LRP1B: variants seen among roughly 807,000 people sequenced by gnomAD.
The protein encoded by LRP1B is LDL receptor related protein 1B.
In LRP1B, 217 loss-of-function variants were observed where a neutral mutation model predicts 556.6. The ratio of observed to expected loss-of-function variants is 0.39; its 90% CI spans 0.35 to 0.44. The LOEUF (loss-of-function observed/expected upper bound fraction) is 0.44, where lower values mean the gene tolerates loss of function less well. Ranked by LOEUF, LRP1B falls within the 20% of genes least tolerant of loss-of-function variation. The pLI is 1.00. For missense variants in LRP1B, 5,053 were observed against 5,620.8 expected (o/e 0.90, Z 3.23); for synonymous variants, 2,047 against 1,865.8 (o/e 1.10, Z -2.50).
Position 140,353,035 on chromosome 2 carries a change from A to G in LRP1B, c.11568T>C (p.His3856=). ...NECLVFGTCS[H]QCINVEGSYK... ...ATGATCCTTCCACATTTATACATTGATGGGAACATGTGCCAAACACCAAAC... is the reference window on the plus strand; with the variant it reads ...ATGATCCTTCCACATTTATACATTGGTGGGAACATGTGCCAAACACCAAAC... Residue 3856 remains histidine, a synonymous_variant, in exon 76 of 91, where the codon CAT becomes CAC. Transcript: ENST00000389484. 4 of 1,612,946 alleles carry G rather than the reference A, an allele frequency of 2.5e-6. No homozygotes were observed. The highest frequency in any genetic ancestry group is 2.5e-6 in the Non-Finnish European group (3 of 1,179,378).
At chr2:142,095,609 C>T (rs1001258014) in intron 1 of LRP1B, among the ~76,000 whole-genome samples, 2 of 151,590 alleles carry the variant, frequency 1.3e-5, no homozygotes, top group African/African-American at 2.4e-5. Flanking sequence ...TTAATTACTA[C>T]CTCTGGCCTT....
chr2:140,290,607 C>T (rs1683333300), intron 84 of LRP1B, among the ~76,000 whole-genome samples: 1 of 152,042 alleles, frequency 6.6e-6, no homozygotes, highest in South Asian at 2.1e-4. Context: ...AATAATTGAC[C>T]TTCCTATTAA....
At chr2:141,574,088 C>T (rs1307820849) in intron 2 of LRP1B, among the ~76,000 whole-genome samples, 1 of 152,146 alleles carries the variant, frequency 6.6e-6, no homozygotes, top group East Asian at 1.9e-4. Flanking sequence ...CTCCCTAACT[C>T]ATTTTATGAA....
chr2:140,499,743 C>T (rs190398816), intron 55 of LRP1B, among the ~76,000 whole-genome samples: 4 of 143,156 alleles, frequency 2.8e-5, no homozygotes, highest in African/African-American at 7.4e-5. Flanking sequence ...TATTTAGAAA[C>T]GTTTAAAAAA....
intron 2 of LRP1B, among the ~76,000 whole-genome samples, chr2:141,504,655 T>C (rs755055938): frequency 6.6e-6 from 1 of 152,018 alleles, no homozygotes; most frequent in Non-Finnish European, 1.5e-5. Context: ...TCTGTCCAGG[T>C]TGTAATCACC....
At chr2:141,019,617 G>A (rs1200316974) in intron 12 of LRP1B, among the ~76,000 whole-genome samples, 2 of 151,822 alleles carry the variant, frequency 1.3e-5, no homozygotes, top group Non-Finnish European at 2.9e-5. Flanking sequence ...TGATTCTCTG[G>A]TTGAATTGAT....
chr2:140,560,159 A>G (rs1048648019), intron 43 of LRP1B, among the ~76,000 whole-genome samples: 1 of 152,134 alleles, frequency 6.6e-6, no homozygotes, highest in African/African-American at 2.4e-5. Context: ...AAATAAACCC[A>G]AATTGAGGGA....
rs1690378623 is a variant in LRP1B, at chr2:140,525,220, T to C, written c.8026+624A>G. On this transcript the variant is annotated intron_variant, in intron 49 of 90. Coordinates refer to ENST00000389484, the MANE Select transcript of LRP1B (RefSeq NM_018557.3). ...TATATAGAATCTCTACTTCCAGTTATACATAGTTCTTTTTATAATTTTTTT... is the reference window on the plus strand; with the variant it reads ...TATATAGAATCTCTACTTCCAGTTACACATAGTTCTTTTTATAATTTTTTT... Among the ~76,000 whole-genome samples, 3 of 151,848 alleles carry C rather than the reference T, an allele frequency of 2.0e-5. No individual in the cohort carries two copies. In the Admixed American group the frequency reaches 2.0e-4, roughly 10 times the overall value.
intron 2 of LRP1B, among the ~76,000 whole-genome samples, chr2:141,567,552 A>T (rs1009860645): frequency 1.3e-5 from 2 of 152,064 alleles, no homozygotes; most frequent in Non-Finnish European, 1.5e-5. Flanking sequence ...ACCAAGGAAA[A>T]GTATTTGCTG....
In LRP1B at chr2:140,270,361, A is replaced by G. The variant is rs1682401599; in HGVS notation, c.13143-15T>C. On this transcript the variant is annotated splice_polypyrimidine_tract_variant and intron_variant, in intron 85 of 90. Transcript: ENST00000389484. ...CATTAGTGCAGCTGCAACAACAAAG[A>G]AAAAAAGAACAATTTCATTGTTATT... is the stretch of plus-strand genomic sequence containing the variant. 6.6e-7 allele frequency: 1 copy of G among 1,524,232 alleles called. No homozygotes were observed. The highest frequency in any genetic ancestry group is 1.1e-5 in the South Asian group (1 of 89,248). 94.4% of individuals were successfully genotyped at this position (1,524,232 alleles called of 1,614,324 possible).
At chr2:140,369,298 T>C (rs1376344141) in intron 71 of LRP1B, among the ~76,000 whole-genome samples, 2 of 151,888 alleles carry the variant, frequency 1.3e-5, no homozygotes, top group African/African-American at 4.8e-5. Flanking sequence ...ACCAGTTAGG[T>C]GGCATCATGC....
At chr2:141,396,836 T>A (rs2104916272) in intron 3 of LRP1B, among the ~76,000 whole-genome samples, 1 of 152,048 alleles carries the variant, frequency 6.6e-6, no homozygotes, top group East Asian at 1.9e-4. Context: ...TAAAAGAGGA[T>A]GCGTGGCCGG....
intron 6 of LRP1B, among the ~76,000 whole-genome samples, chr2:141,203,583 G>A (rs567793310): frequency 2.4e-4 from 2 of 8,374 alleles, no homozygotes; most frequent in Middle Eastern, 0.5. Context: ...CACAATAATG[G>A]GGGGGGAGGA....
chr2:140,701,867 A>C (rs748004663), intron 39 of LRP1B, 22 bp from the exon 40 acceptor site: 1 of 1,612,122 alleles, frequency 6.2e-7, no homozygotes, highest in African/African-American at 1.3e-5. Context: ...TTGAACATAC[A>C]TGATCAACAA....
intron 20 of LRP1B, among the ~76,000 whole-genome samples, chr2:140,943,103 A>T (rs746944081): frequency 6.6e-6 from 1 of 152,154 alleles, no homozygotes; most frequent in African/African-American, 2.4e-5. Flanking sequence ...TATCACACAA[A>T]TGGAAAACGA....
At chr2:140,263,688 C>A (rs952367981) in intron 86 of LRP1B, among the ~76,000 whole-genome samples, 2 of 152,084 alleles carry the variant, frequency 1.3e-5, no homozygotes, top group Admixed American at 6.6e-5. Context: ...CACCTTATAA[C>A]AAAGATCACC....
chr2:141,650,934 G>A (rs1350429301), intron 2 of LRP1B, among the ~76,000 whole-genome samples: 1 of 152,164 alleles, frequency 6.6e-6, no homozygotes, highest in Non-Finnish European at 1.5e-5. Context: ...CTACACGGAT[G>A]TCTATTGCTG....
At chr2:140,540,664 CA>C (rs1438764942) in intron 45 of LRP1B, among the ~76,000 whole-genome samples, 1 of 152,098 alleles carries the variant, frequency 6.6e-6, no homozygotes, top group Non-Finnish European at 1.5e-5. Flanking sequence ...ATTGAATTCA[CA>C]AAGTCACAAC....
intron 3 of LRP1B, among the ~76,000 whole-genome samples, chr2:141,372,076 T>C (rs72983133): frequency 0.069 from 10,449 of 152,204 alleles, 478 homozygotes; most frequent in African/African-American, 0.12. Context: ...TATGAAAAGA[T>C]ACTGAATTTT....
Sources: allele counts gnomAD v4.1 joint callset (sites outside exome capture counted in the v4.1 genomes callset), GRCh38; gene constraint gnomAD v4.1.1; transcripts MANE v1.5; gene names NCBI Gene and HGNC (gene_info 2026-07-23, HGNC 2026-07-21).